ZNF692: variants seen among roughly 807,000 people sequenced by gnomAD.
ZNF692 encodes AICAR responsive element binding protein.
A neutral mutation model predicts 49.0 loss-of-function variants in ZNF692; 41 were observed. That is an observed-to-expected ratio of 0.84 (90% CI 0.65 to 1.08). The LOEUF (loss-of-function observed/expected upper bound fraction) is 1.08. ZNF692 is among the 50% of genes least tolerant of loss of function. The pLI is 0.00. For synonymous variants in ZNF692, 288 were observed against 251.5 expected, an observed-to-expected ratio of 1.15 and a Z score of -1.37; for missense variants, 662 against 662.2, an observed-to-expected ratio of 1.00 and a Z score of 0.00.
Position 248,856,282 on chromosome 1 carries a change from AC to A in ZNF692, c.659+5del. 1 of 1,573,452 alleles carries A rather than the reference AC, an allele frequency of 6.4e-7. No individual in the cohort carries two copies. Among genetic ancestry groups the A allele is most frequent in the South Asian group, 1.2e-5 (1 of 83,304 alleles). On this transcript the variant is annotated splice_donor_5th_base_variant and intron_variant, in intron 6 of 11. Transcript: ENST00000306601. ...CTCTGCTCATTCTCCCTCAACCCCA[AC>A]TTGCTCATCTGGGGAGGAGCTGTAG...
At chr1:248,857,966 A>G in intron 2 of ZNF692, 107 bp from the exon 3 acceptor site, 1 of 1,560,736 alleles carries the variant, frequency 6.4e-7, no homozygotes, top group Non-Finnish European at 8.7e-7. Context: ...ATTCGCTGAG[A>G]CCATGAGGAG....
Position 248,855,581 on chromosome 1 carries a change from T to C in ZNF692, c.936A>G (p.Ala312=), listed in dbSNP as rs1010277353. 14 of 1,614,072 alleles carry C rather than the reference T, an allele frequency of 8.7e-6. No individual in the cohort carries two copies. Among genetic ancestry groups the C allele is most frequent in the African/African-American group, 4.0e-5 (3 of 74,922 alleles). Residue 312 remains alanine (A), a synonymous_variant, in exon 8 of 12, where the codon GCA becomes GCG. Transcript: ENST00000306601. ...ACCTAATTCTCTTGGGGCCAATTTG[T>C]GCAGTGTCCTCATCCCAGGCCGGGG... is the stretch of plus-strand genomic sequence containing the variant. ...APTPAWDEDT[A]QIGPKRIRKA...
chr1:248,856,170 A>C, intron 6 of ZNF692, 118 bp downstream of exon 6: 1 of 1,468,668 alleles, frequency 6.8e-7, no homozygotes, highest in Non-Finnish European at 9.1e-7. Context: ...TGCCTTCCCC[A>C]AAACCCACCC....
At chr1:248,855,693 C>T (rs1454832577) in intron 7 of ZNF692, 32 bp downstream of exon 7, 3 of 1,614,070 alleles carry the variant, frequency 1.9e-6, no homozygotes, top group African/African-American at 1.3e-5. Context: ...CCCAGGACGC[C>T]CCTGCCCTTT....
intron 10 of ZNF692, among the ~76,000 whole-genome samples, chr1:248,851,156 G>A (rs1009855544): frequency 1.3e-5 from 2 of 152,120 alleles, no homozygotes; most frequent in South Asian, 4.1e-4. Flanking sequence ...AAGGCAGTGG[G>A]CAGCAGCCAA....
Position 248,858,269 on chromosome 1 carries a change from C to A in ZNF692, c.41G>T (p.Arg14Leu). ...CGCGTCCAGCTGCCGCCGCTTCTCC[C>A]GCCGCCTGCAGGACACGTCCACCGC... ...SPAVDVSCRRREKRRQLDARR... is the reference protein window; with the variant it reads ...SPAVDVSCRRLEKRRQLDARR... The change falls in exon 2 of 12, where the codon CGG (arginine) becomes CTG (leucine). Residue 14 changes from arginine to leucine, a missense_variant. Coordinates refer to ENST00000306601, the MANE Select transcript of ZNF692 (RefSeq NM_017865.4). This position sits in a 1 kb window ranked among gnomAD's most constrained non-coding sequence, Gnocchi z 4.3. 6.3e-7 allele frequency: 1 copy of A among 1,582,738 alleles called. No homozygotes were observed. Among genetic ancestry groups the A allele is most frequent in the Admixed American group, 1.8e-5 (1 of 56,780 alleles).
chr1:248,855,603 G>A lies in ZNF692; in HGVS notation c.914C>T (p.Pro305Leu), dbSNP rs145977569. 231 of 1,614,182 alleles carry A rather than the reference G, an allele frequency of 1.4e-4. 3 individuals carry two copies. The African/African-American group carries it at 2.5e-3, about 17-fold the overall frequency. Residue 305 changes from proline (P) to leucine (L), a missense_variant, in exon 8 of 12, where the codon CCG becomes CTG. By Grantham distance (98) the Pro-to-Leu change is moderately conservative. Transcript: ENST00000306601. ...TGSQAQSAPTPAWDEDTAQIG... is the reference protein window; with the variant it reads ...TGSQAQSAPTLAWDEDTAQIG... The stretch of plus-strand genomic sequence containing the variant: ...TTGTGCAGTGTCCTCATCCCAGGCC[G>A]GGGTTGGAGCAGACTGGGCCTGACT...
chr1:248,850,539 G>A, intron 11 of ZNF692, 23 bp from the exon 12 acceptor site: 1 of 1,595,402 alleles, frequency 6.3e-7, no homozygotes. Flanking sequence ...ACAGAAGAGG[G>A]AAGGAACAAG....
In ZNF692 at chr1:248,858,246, C is replaced by G; in HGVS notation, c.64G>C (p.Ala22Pro). 6.3e-7 allele frequency: 1 copy of G among 1,584,490 alleles called. No homozygotes were observed. Among genetic ancestry groups the G allele is most frequent in the Non-Finnish European group, 8.6e-7 (1 of 1,165,424 alleles). The change falls in exon 2 of 12, where the codon GCG becomes CCG. Residue 22 changes from alanine to proline, a missense_variant. Transcript: ENST00000306601. The surrounding 1 kb of genome is among the most constrained non-coding windows in gnomAD (Gnocchi z 4.3). ...RRREKRRQLD[A>P]RRSKCRIRLG... ...CGGATGCGGCACTTGCTGCGGCGCG[C>G]GTCCAGCTGCCGCCGCTTCTCCCGC... is the stretch of plus-strand genomic sequence containing the variant.
chr1:248,852,739 C>T (rs1456925301), intron 10 of ZNF692, among the ~76,000 whole-genome samples: 2 of 152,140 alleles, frequency 1.3e-5, no homozygotes, highest in South Asian at 2.1e-4. Flanking sequence ...TAGCAATCAT[C>T]CCCCCTTCCT....
At position 248,858,717 on chromosome 1, in the gene ZNF692, C is replaced by A; in HGVS notation, c.-13+201G>T. 1 of 714,774 alleles carries A rather than the reference C, an allele frequency of 1.4e-6. No individual in the cohort carries two copies. Among genetic ancestry groups the A allele is most frequent in the Non-Finnish European group, 2.4e-6 (1 of 416,774 alleles). The allele number at this position is 714,774 out of a possible 1,614,324, so 44.3% of individuals were successfully genotyped here. The stretch of plus-strand genomic sequence containing the variant: ...TTCTAGGGGAAGGAAAGGTCGTGTC[C>A]TGGCGTGCAGCTGGGGGCGCTCTTC... On this transcript the variant is annotated intron_variant, in intron 1 of 11. Transcript: ENST00000306601. The surrounding 1 kb of genome is among the most constrained non-coding windows in gnomAD (Gnocchi z 4.3).
rs566558770 is a variant in ZNF692, at chr1:248,850,665, C to T, written c.1253+17G>A. Reference sequence around the variant, plus strand: ...CCCTTCTAGCCCCTGGCCCTCAGACCCCACCCCAGCACTCACTGCAGGGGT... The same window carrying T: ...CCCTTCTAGCCCCTGGCCCTCAGACTCCACCCCAGCACTCACTGCAGGGGT... On this transcript the variant is annotated intron_variant, in intron 11 of 11. Transcript: ENST00000306601. 1.4e-5 allele frequency: 22 copies of T among 1,613,628 alleles called. No homozygotes were observed. Among genetic ancestry groups the T allele is most frequent in the Middle Eastern group, 1.7e-4 (1 of 6,016 alleles).
chr1:248,858,329 G>A lies in ZNF692; in HGVS notation c.-12-8C>T, dbSNP rs1255967012. On this transcript the variant is annotated splice_polypyrimidine_tract_variant and splice_region_variant and intron_variant, in intron 1 of 11. Transcript: ENST00000306601. The surrounding 1 kb of genome is among the most constrained non-coding windows in gnomAD (Gnocchi z 4.3). ...AGCCATGTGCACCAGAGGCTGGAGGGTGGAAGGGACGTCTTCAGCGCCCTG... is the reference window on the plus strand; with the variant it reads ...AGCCATGTGCACCAGAGGCTGGAGGATGGAAGGGACGTCTTCAGCGCCCTG... 1 of 1,546,008 alleles carries A rather than the reference G, an allele frequency of 6.5e-7. No individual in the cohort carries two copies. The highest frequency in any genetic ancestry group is 8.8e-7 in the Non-Finnish European group (1 of 1,141,550).
intron 10 of ZNF692, among the ~76,000 whole-genome samples, chr1:248,853,078 G>C (rs1659789002): frequency 6.6e-6 from 1 of 152,140 alleles, no homozygotes; most frequent in South Asian, 2.1e-4. Flanking sequence ...TGCTGAGGCT[G>C]GAATCCTCCA....
chr1:248,854,854 CTCTG>C, intron 9 of ZNF692, among the ~76,000 whole-genome samples: 1 of 152,298 alleles, frequency 6.6e-6, no homozygotes, highest in South Asian at 2.1e-4. Flanking sequence ...CTTGATTCCT[CTCTG>C]TCATCTTCTG....
rs1428768843 is a variant in ZNF692, at chr1:248,858,064, C to A, written c.179+67G>T. On this transcript the variant is annotated intron_variant, in intron 2 of 11. Transcript: ENST00000306601. This position sits in a 1 kb window ranked among gnomAD's most constrained non-coding sequence, Gnocchi z 4.3. ...GGGTGGAAAAGAGCAGCAGGACAGG[C>A]CCTGGAGAGGAGGCTAGGGGCTGCT... The A allele has an allele frequency of 1.3e-6, 2 of 1,551,440 alleles. No individual in the cohort carries two copies. The highest frequency in any genetic ancestry group is 2.7e-5 in the African/African-American group (2 of 74,136).
At chr1:248,850,874 G>A (rs1438634227) in intron 10 of ZNF692, 93 bp from the exon 11 acceptor site, 13 of 971,852 alleles carry the variant, frequency 1.3e-5, no homozygotes, top group Admixed American at 2.4e-5. Flanking sequence ...AGAGTGCACC[G>A]TATTGGAGGT....
Position 248,858,526 on chromosome 1 carries a change from C to A in ZNF692, c.-12-205G>T. ...CTCAGCGCTACCATGTGAGTGTCGTCGGGTGGGAGGCAGGCAGACAGAAGC... is the reference window on the plus strand; with the variant it reads ...CTCAGCGCTACCATGTGAGTGTCGTAGGGTGGGAGGCAGGCAGACAGAAGC... On this transcript the variant is annotated intron_variant, in intron 1 of 11. Coordinates refer to ENST00000306601, the MANE Select transcript of ZNF692 (RefSeq NM_017865.4). The surrounding 1 kb of genome is among the most constrained non-coding windows in gnomAD (Gnocchi z 4.3). The A allele has an allele frequency of 1.3e-6, 2 of 1,551,700 alleles. No individual in the cohort carries two copies.
At chr1:248,853,819 C>T (rs371384837) in intron 10 of ZNF692, 118 bp downstream of exon 10, 7 of 693,258 alleles carry the variant, frequency 1.0e-5, no homozygotes, top group South Asian at 1.8e-5. Flanking sequence ...ACCCACAGAG[C>T]GGGAGGTGAC....
Sources: allele counts gnomAD v4.1 joint callset (sites outside exome capture counted in the v4.1 genomes callset), GRCh38; gene constraint gnomAD v4.1.1; non-coding constraint Gnocchi (gnomAD v3.1); transcripts MANE v1.5; gene names NCBI Gene and HGNC (gene_info 2026-07-23, HGNC 2026-07-21).